BICC1: variants seen among roughly 807,000 people sequenced by gnomAD.
BICC1 encodes the protein protein bicaudal C homolog 1.
A neutral mutation model predicts 111.0 loss-of-function variants in BICC1; 43 were observed. That is an observed-to-expected ratio of 0.39 (90% confidence interval 0.30 to 0.50). The LOEUF (loss-of-function observed/expected upper bound fraction) is 0.50. Among genes scored for constraint, BICC1 ranks in the 20% least tolerant of loss-of-function variants. BICC1 has a pLI of 0.88. For missense variants in BICC1, 1,091 were observed against 1,203.2 expected (o/e 0.91, Z 1.38); for synonymous variants, 467 against 434.4 (o/e 1.07, Z -0.93).
rs1176832301 is a variant in BICC1, at chr10:58,753,271, C to T, written c.308-31730C>T. Among the ~76,000 whole-genome samples, 6 of 152,250 alleles carry T rather than the reference C, an allele frequency of 3.9e-5. No individual in the cohort carries two copies. In the East Asian group the frequency reaches 5.8e-4, roughly 15 times the overall value. The stretch of plus-strand genomic sequence containing the variant: ...GCAGACCCAATTTACCAGGCTTAAG[C>T]GGTTCCCCCACCTCAGCCTCCTGAG... On this transcript the variant is annotated intron_variant, in intron 3 of 20. Transcript: ENST00000373886.
chr10:58,621,904 T>TAGAACAGAACAGAACAGAAC (rs1362628388), intron 2 of BICC1, among the ~76,000 whole-genome samples: 1 of 16,792 alleles, frequency 6.0e-5, no homozygotes. Context: ...TCTCTAAAAT[T>TAGAACAGAACAGAACAGAAC]AGAATAGAAT....
rs1838306980 is a variant in BICC1, at chr10:58,647,569, G to A, written c.237+26668G>A. ...AAGAGTGAGTGATTTTTTTCCCCAA[G>A]GTGATTTTTCCACACTCCTAAAAAC... On this transcript the variant is annotated intron_variant, in intron 2 of 20. Coordinates refer to ENST00000373886, the MANE Select transcript of BICC1 (RefSeq NM_001080512.3). 3.3e-5 allele frequency among the ~76,000 whole-genome samples: 5 copies of A among 152,144 alleles called. No homozygotes were observed. The South Asian group carries it at 8.3e-4, about 25-fold the overall frequency.
chr10:58,700,598 CTT>C (rs1341446971), intron 2 of BICC1, among the ~76,000 whole-genome samples: 1 of 152,128 alleles, frequency 6.6e-6, no homozygotes, highest in Non-Finnish European at 1.5e-5. Context: ...GTGGGCTTAA[CTT>C]TTGTTCAATT....
intron 2 of BICC1, 79 bp downstream of exon 2, chr10:58,620,980 G>C: frequency 8.0e-7 from 1 of 1,246,904 alleles, no homozygotes; most frequent in Non-Finnish European, 1.1e-6. Flanking sequence ...AGAAGCCACC[G>C]AACGCTCCCC....
At chr10:58,644,375 A>G (rs1838207132) in intron 2 of BICC1, among the ~76,000 whole-genome samples, 1 of 152,174 alleles carries the variant, frequency 6.6e-6, no homozygotes, top group Admixed American at 6.5e-5. Flanking sequence ...CGATTCTTCT[A>G]CCTGAGACCC....
At chr10:58,818,735 G>A (rs1844171735) in intron 19 of BICC1, among the ~76,000 whole-genome samples, 1 of 151,746 alleles carries the variant, frequency 6.6e-6, no homozygotes. Context: ...ATTTAACCAA[G>A]AATTTTCTAA....
At position 58,725,525 on chromosome 10, in the gene BICC1, G is replaced by A. The variant is rs538330367; in HGVS notation, c.307+23382G>A. On this transcript the variant is annotated intron_variant, in intron 3 of 20. Transcript: ENST00000373886. Reference sequence around the variant, plus strand: ...ATTTTTAAGAGGGGAGAGGAGCAACGCGGAACTGTATTTCACCGCTAGAGT... The same window carrying A: ...ATTTTTAAGAGGGGAGAGGAGCAACACGGAACTGTATTTCACCGCTAGAGT... Among the ~76,000 whole-genome samples, 9 of 152,288 alleles carry A rather than the reference G, an allele frequency of 5.9e-5. No homozygotes were observed. The South Asian group carries it at 6.2e-4, about 11-fold the overall frequency.
At chr10:58,706,686 T>C (rs971720331) in intron 3 of BICC1, among the ~76,000 whole-genome samples, 1 of 152,100 alleles carries the variant, frequency 6.6e-6, no homozygotes, top group Non-Finnish European at 1.5e-5. Flanking sequence ...ATCTGATGAG[T>C]TTAAAACTGT....
chr10:58,628,326 T>G (rs772503383), intron 2 of BICC1, among the ~76,000 whole-genome samples: 11 of 152,204 alleles, frequency 7.2e-5, no homozygotes, highest in Non-Finnish European at 1.5e-4. Flanking sequence ...GAAGTCAGAC[T>G]TCCCATCATA....
chr10:58,645,484 T>G (rs1252267639), intron 2 of BICC1, among the ~76,000 whole-genome samples: 1 of 151,886 alleles, frequency 6.6e-6, no homozygotes, highest in Non-Finnish European at 1.5e-5. Flanking sequence ...TGGCAGGTAT[T>G]TATTTTTCCA....
intron 1 of BICC1, among the ~76,000 whole-genome samples, chr10:58,548,010 G>C (rs1843186235): frequency 6.6e-6 from 1 of 152,106 alleles, no homozygotes; most frequent in South Asian, 2.1e-4. Context: ...TTGCTTCTAG[G>C]CTCTTTCAGC....
intron 2 of BICC1, among the ~76,000 whole-genome samples, chr10:58,621,553 C>G (rs1158836386): frequency 1.3e-5 from 2 of 152,088 alleles, no homozygotes; most frequent in African/African-American, 4.8e-5. Context: ...TGGCTCATGC[C>G]TGTAATCCCA....
chr10:58,586,029 C>G (rs1844417324), intron 1 of BICC1, among the ~76,000 whole-genome samples: 1 of 152,146 alleles, frequency 6.6e-6, no homozygotes, highest in Non-Finnish European at 1.5e-5. Flanking sequence ...TTAAGAGACA[C>G]TCTCACCTTA....
chr10:58,652,882 C>T (rs1838495182), intron 2 of BICC1, among the ~76,000 whole-genome samples: 1 of 152,044 alleles, frequency 6.6e-6, no homozygotes, highest in Non-Finnish European at 1.5e-5. Flanking sequence ...TGTTCTTTTC[C>T]TCCTTTCTTT....
chr10:58,686,659 C>T (rs542941988), intron 2 of BICC1, among the ~76,000 whole-genome samples: 4 of 152,102 alleles, frequency 2.6e-5, no homozygotes, highest in South Asian at 2.1e-4. Context: ...TTGATCAAAT[C>T]GGCTACTGAA....
At chr10:58,577,122 C>T (rs1844136693) in intron 1 of BICC1, among the ~76,000 whole-genome samples, 1 of 152,148 alleles carries the variant, frequency 6.6e-6, no homozygotes, top group Admixed American at 6.5e-5. Flanking sequence ...GACCTGTGAT[C>T]CTCACAGTCA....
At chr10:58,623,597 GGA>G (rs1428540172) in intron 2 of BICC1, among the ~76,000 whole-genome samples, 2 of 152,188 alleles carry the variant, frequency 1.3e-5, no homozygotes, top group African/African-American at 2.4e-5. Flanking sequence ...AACGTTCTAA[GGA>G]GAGTCTTCCA....
intron 3 of BICC1, among the ~76,000 whole-genome samples, chr10:58,707,686 C>T (rs959242546): frequency 6.6e-6 from 1 of 151,794 alleles, no homozygotes; most frequent in South Asian, 2.1e-4. Flanking sequence ...CACACCACCA[C>T]GCCCAGCTTA....
chr10:58,813,811 T>C lies in BICC1; in HGVS notation c.2377-19T>C, dbSNP rs746941726. On this transcript the variant is annotated intron_variant, in intron 17 of 20. Coordinates refer to ENST00000373886, the MANE Select transcript of BICC1 (RefSeq NM_001080512.3). Reference sequence around the variant, plus strand: ...CCACCTGATTAAATATTTCCTTATCTGGCTTTGTCTGTTTACAGGGCTCAT... The same window carrying C: ...CCACCTGATTAAATATTTCCTTATCCGGCTTTGTCTGTTTACAGGGCTCAT... 26 of 1,608,262 alleles carry C rather than the reference T, an allele frequency of 1.6e-5. No individual in the cohort carries two copies. The South Asian group carries it at 2.9e-4, about 18-fold the overall frequency.
Sources: allele counts gnomAD v4.1 joint callset (sites outside exome capture counted in the v4.1 genomes callset), GRCh38; gene constraint gnomAD v4.1.1; transcripts MANE v1.5; gene names NCBI Gene and HGNC (gene_info 2026-07-23, HGNC 2026-07-21).